Variants in SGCD observed in about 807,000 individuals in gnomAD.
SGCD encodes delta-sarcoglycan.
A neutral mutation model predicts 36.6 loss-of-function variants in SGCD; 18 were observed. That is an observed-to-expected ratio of 0.49 (90% CI 0.34 to 0.73). The LOEUF (loss-of-function observed/expected upper bound fraction) is 0.73. SGCD is among the 30% of genes least tolerant of loss of function. The probability of loss-of-function intolerance (pLI) is 0.01; values close to 1 mark genes in which losing one functional copy is unlikely to be tolerated. For synonymous variants in SGCD, 133 were observed against 130.6 expected (o/e 1.02, Z -0.12); for missense variants, 387 against 346.7 (o/e 1.12, Z -0.92).
intron 7 of SGCD, among the ~76,000 whole-genome samples, chr5:156,678,583 TCCCATCTCGACAGTGCA>T: frequency 6.6e-6 from 1 of 152,202 alleles, no homozygotes. Flanking sequence ...CTTGGCACAC[TCCCATCTCGACAGTGCA>T]GGCAGCCATT....
intron 1 of SGCD, among the ~76,000 whole-genome samples, chr5:156,097,881 G>A (rs1207269048): frequency 1.3e-5 from 2 of 152,170 alleles, no homozygotes; most frequent in East Asian, 1.9e-4. Context: ...CTTTCAGCAC[G>A]TAAGTATTGG....
chr5:156,259,114 GTTTA>G (rs561763416), intron 3 of SGCD, among the ~76,000 whole-genome samples: 2,189 of 146,760 alleles, frequency 0.015, 15 homozygotes, highest in African/African-American at 0.024. Context: ...AACACTGGCT[GTTTA>G]TTTATTTATT....
At chr5:155,982,108 G>T (rs1056965532) in intron 1 of SGCD, among the ~76,000 whole-genome samples, 1 of 152,014 alleles carries the variant, frequency 6.6e-6, no homozygotes, top group Non-Finnish European at 1.5e-5. Context: ...TAAATTATTG[G>T]CCTGCCTTGA....
At chr5:156,635,416 A>G (rs1762788104) in intron 6 of SGCD, among the ~76,000 whole-genome samples, 1 of 152,156 alleles carries the variant, frequency 6.6e-6, no homozygotes, top group African/African-American at 2.4e-5. Flanking sequence ...GAGAAATGGG[A>G]TCACTTTTAC....
At chr5:155,953,818 C>G (rs1037230798) in intron 1 of SGCD, among the ~76,000 whole-genome samples, 12 of 152,258 alleles carry the variant, frequency 7.9e-5, no homozygotes, top group African/African-American at 2.9e-4. Flanking sequence ...TCGTGTCTGC[C>G]AGACTTAATA....
chr5:156,699,021 G>A (rs909926640), intron 7 of SGCD, among the ~76,000 whole-genome samples: 2 of 152,086 alleles, frequency 1.3e-5, no homozygotes, highest in East Asian at 3.9e-4. Flanking sequence ...ATAAGCTCCA[G>A]CTACCATGAC....
chr5:156,027,738 A>G (rs187428015), intron 1 of SGCD, among the ~76,000 whole-genome samples: 47 of 152,332 alleles, frequency 3.1e-4, no homozygotes, highest in Admixed American at 2.6e-3. Context: ...TCAACATTTC[A>G]GGTTAAAAGG....
intron 3 of SGCD, among the ~76,000 whole-genome samples, chr5:156,384,412 T>G (rs2127750096): frequency 6.6e-6 from 1 of 152,310 alleles, no homozygotes; most frequent in East Asian, 1.9e-4. Flanking sequence ...AAGCCTTTCT[T>G]GTTCTGTAAT....
Position 156,605,274 on chromosome 5 carries a change from C to T in SGCD, c.502+10223C>T, listed in dbSNP as rs544654361. 2.6e-5 allele frequency among the ~76,000 whole-genome samples: 4 copies of T among 152,122 alleles called. No homozygotes were observed. In the East Asian group the frequency reaches 5.8e-4, roughly 22 times the overall value. On this transcript the variant is annotated intron_variant, in intron 6 of 8. Coordinates refer to ENST00000337851, the MANE Select transcript of SGCD (RefSeq NM_000337.6). The stretch of plus-strand genomic sequence containing the variant: ...GTCCATGTGTTCTCATTCTTCAATT[C>T]CCACCTATGAGTGAGAACATGCAGT...
intron 1 of SGCD, among the ~76,000 whole-genome samples, chr5:156,049,674 A>C (rs1759864984): frequency 6.8e-6 from 1 of 146,712 alleles, no homozygotes; most frequent in South Asian, 2.1e-4. Flanking sequence ...GGATTTGAGC[A>C]AAGTACATTG....
intron 6 of SGCD, among the ~76,000 whole-genome samples, chr5:156,625,682 T>A (rs1762413681): frequency 1.3e-5 from 2 of 152,240 alleles, no homozygotes; most frequent in African/African-American, 4.8e-5. Context: ...CCTGTCCTAA[T>A]GTCCTAATGT....
intron 3 of SGCD, among the ~76,000 whole-genome samples, chr5:156,496,985 A>G (rs1342689335): frequency 6.6e-6 from 1 of 152,146 alleles, no homozygotes; most frequent in Non-Finnish European, 1.5e-5. Flanking sequence ...GTCTGATTTA[A>G]TCCTCAATTT....
chr5:155,908,336 A>G (rs1404736036), intron 1 of SGCD, among the ~76,000 whole-genome samples: 1 of 152,110 alleles, frequency 6.6e-6, no homozygotes, highest in African/African-American at 2.4e-5. Flanking sequence ...CCATGCAGAC[A>G]TTTGATTGAC....
At chr5:156,295,205 G>A (rs1766863740) in intron 3 of SGCD, among the ~76,000 whole-genome samples, 1 of 152,058 alleles carries the variant, frequency 6.6e-6, no homozygotes, top group Non-Finnish European at 1.5e-5. Flanking sequence ...ATCTTGGTAG[G>A]TTTTGTGTTT....
chr5:155,786,508 TA>T, the SGCD span, among the ~76,000 whole-genome samples: 2 of 151,994 alleles, frequency 1.3e-5, no homozygotes, highest in East Asian at 1.9e-4. Context: ...AAGCTTAAAT[TA>T]AAAAAAAGTT....
At chr5:156,216,961 C>G (rs187030103) in intron 3 of SGCD, among the ~76,000 whole-genome samples, 1 of 152,226 alleles carries the variant, frequency 6.6e-6, no homozygotes, top group Non-Finnish European at 1.5e-5. Context: ...AGCCTGTAAT[C>G]CAGCTACTCT....
At chr5:156,439,297 T>C (rs1210099199) in intron 3 of SGCD, among the ~76,000 whole-genome samples, 1 of 152,086 alleles carries the variant, frequency 6.6e-6, no homozygotes, top group Non-Finnish European at 1.5e-5. Context: ...AGCTGAGGAG[T>C]GTCTTATCTT....
chr5:156,206,038 A>G (rs1456237949), intron 3 of SGCD, among the ~76,000 whole-genome samples: 1 of 148,812 alleles, frequency 6.7e-6, no homozygotes, highest in African/African-American at 2.4e-5. Flanking sequence ...ACATATACAA[A>G]TGAATATGTG....
intron 6 of SGCD, among the ~76,000 whole-genome samples, chr5:156,602,985 T>C (rs999007092): frequency 6.6e-6 from 1 of 152,114 alleles, no homozygotes; most frequent in Non-Finnish European, 1.5e-5. Context: ...TCCTCTTCTC[T>C]GATGTTATGG....
Sources: allele counts gnomAD v4.1 joint callset (sites outside exome capture counted in the v4.1 genomes callset), GRCh38; gene constraint gnomAD v4.1.1; transcripts MANE v1.5; gene names NCBI Gene and HGNC (gene_info 2026-07-23, HGNC 2026-07-21).